The following MALRD1 variants were observed in gnomAD, a reference collection of about 807,000 sequenced individuals.
MALRD1 encodes MAM and LDL-receptor class A domain-containing protein 1.
In MALRD1, 247 loss-of-function variants were observed where a neutral mutation model predicts 242.1. That is an observed-to-expected ratio of 1.02 (90% CI 0.92 to 1.13). The LOEUF is 1.13. MALRD1 is among the 50% of genes most tolerant of loss of function. The pLI is 0.00. For missense variants in MALRD1, 2,989 were observed against 2,533.1 expected (o/e 1.18, Z -3.86); for synonymous variants, 995 against 866.6 (o/e 1.15, Z -2.60).
rs368913913 is a variant in MALRD1, at chr10:19,073,902, C to T, written c.340+7043C>T. 4.1e-4 allele frequency among the ~76,000 whole-genome samples: 62 copies of T among 152,094 alleles called. No individual in the cohort carries two copies. In the South Asian group the frequency reaches 0.012, roughly 29 times the overall value. The stretch of plus-strand genomic sequence containing the variant: ...CTGAGACTAGAGACAAACTCTGACT[C>T]CAGAAAGCGAAAGAGCATTTGAGAA... On this transcript the variant is annotated intron_variant, in intron 2 of 39. Coordinates refer to ENST00000454679, the MANE Select transcript of MALRD1 (RefSeq NM_001142308.3).
At chr10:19,456,125 A>G (rs1281013171) in intron 29 of MALRD1, among the ~76,000 whole-genome samples, 1 of 152,140 alleles carries the variant, frequency 6.6e-6, no homozygotes, top group Non-Finnish European at 1.5e-5. Flanking sequence ...GGGAACAGAG[A>G]ATGTTTCCAG....
At chr10:19,722,215 A>T (rs570362294) in intron 38 of MALRD1, 4 of 152,316 alleles carry the variant, frequency 2.6e-5, no homozygotes, top group African/African-American at 9.6e-5. Flanking sequence ...GAAGAATCTC[A>T]GTTGCTCCAT....
rs2130895474 is a variant in MALRD1 at position 19,323,929 on chromosome 10, A to G, written c.3420-20A>G. ...CCCGGCCTCTTATTCCTTTTATAAT[A>G]TGATAAATTCCTTTTCCAGAAATAC... On this transcript the variant is annotated intron_variant, in intron 21 of 39. Coordinates refer to ENST00000454679, the MANE Select transcript of MALRD1 (RefSeq NM_001142308.3). 4 of 1,549,664 alleles carry G rather than the reference A, an allele frequency of 2.6e-6. No homozygotes were observed. The highest frequency in any genetic ancestry group is 2.6e-6 in the Non-Finnish European group (3 of 1,146,212).
rs1279577244 is a variant in MALRD1, at chr10:19,463,597, C to A, written c.5029+13107C>A. On this transcript the variant is annotated intron_variant, in intron 29 of 39. Transcript: ENST00000454679. ...GTGTGTGTGTGTGTGTGTGTATATA[C>A]TCTTTCTTTATCTACTCATTGACTG... is the stretch of plus-strand genomic sequence containing the variant. 2.5e-5 allele frequency among the ~76,000 whole-genome samples: 3 copies of A among 120,250 alleles called. 1 individual carries two copies. The highest frequency in any genetic ancestry group is 5.1e-4 in the South Asian group (2 of 3,890). 78.9% of individuals were successfully genotyped at this position (120,250 alleles called of 152,430 possible).
At chr10:19,116,236 A>T (rs776689435) in intron 5 of MALRD1, among the ~76,000 whole-genome samples, 18 of 152,214 alleles carry the variant, frequency 1.2e-4, no homozygotes, top group Non-Finnish European at 2.5e-4. Context: ...ATAATTTTGT[A>T]TAACGATTTC....
intron 33 of MALRD1, among the ~76,000 whole-genome samples, chr10:19,584,877 A>G (rs1456658542): frequency 3.3e-5 from 5 of 151,366 alleles, no homozygotes; most frequent in South Asian, 2.1e-4. Flanking sequence ...TTTGTAGGTC[A>G]CTCAGGACTT....
intron 2 of MALRD1, among the ~76,000 whole-genome samples, chr10:19,072,178 G>C (rs945580336): frequency 1.3e-5 from 2 of 152,156 alleles, no homozygotes; most frequent in African/African-American, 4.8e-5. Flanking sequence ...CATCTATACT[G>C]TTTGTAATCT....
At chr10:19,328,098 A>AT (rs752138158) in intron 23 of MALRD1, among the ~76,000 whole-genome samples, 1 of 152,086 alleles carries the variant, frequency 6.6e-6, no homozygotes, top group Admixed American at 6.6e-5. Flanking sequence ...ATTTAAAAAT[A>AT]TTTTTGGGGG....
chr10:19,157,770 T>G (rs1343385820), intron 12 of MALRD1, among the ~76,000 whole-genome samples: 4 of 151,812 alleles, frequency 2.6e-5, no homozygotes, highest in African/African-American at 9.7e-5. Flanking sequence ...ATTATATGGT[T>G]TTTTTTTCCT....
chr10:19,477,685 G>A (rs1836803881), intron 29 of MALRD1, among the ~76,000 whole-genome samples: 2 of 152,098 alleles, frequency 1.3e-5, no homozygotes, highest in Admixed American at 6.5e-5. Flanking sequence ...GCTCCCAAGT[G>A]GGACTTCTAG....
chr10:19,567,603 C>G lies in MALRD1; in HGVS notation c.5580C>G (p.Asn1860Lys). Reference protein sequence around the residue: ...WTYGSVPLSSNSPFKVAFEAD... With the variant: ...WTYGSVPLSSKSPFKVAFEAD... ...ATGGCTCTGTGCCTCTCTCCAGTAA[C>G]AGTCCGTTTAAGGTGGCATTTGAAG... The change falls in exon 33 of 40, where the codon AAC becomes AAG. Residue 1860 changes from asparagine (N) to lysine (K), a missense_variant. By Grantham distance (94) the Asn-to-Lys change is moderately conservative. Coordinates refer to ENST00000454679, the MANE Select transcript of MALRD1 (RefSeq NM_001142308.3). 1.9e-6 allele frequency: 3 copies of G among 1,550,616 alleles called. No individual in the cohort carries two copies. Among genetic ancestry groups the G allele is most frequent in the Non-Finnish European group, 8.7e-7 (1 of 1,146,980 alleles).
chr10:19,354,526 C>G (rs904216020), intron 26 of MALRD1, among the ~76,000 whole-genome samples: 1 of 152,050 alleles, frequency 6.6e-6, no homozygotes, highest in African/African-American at 2.4e-5. Flanking sequence ...TCTCCCCATC[C>G]CCACTACCCT....
intron 38 of MALRD1, among the ~76,000 whole-genome samples, chr10:19,709,593 T>A (rs923762739): frequency 1.3e-5 from 2 of 152,208 alleles, no homozygotes; most frequent in Admixed American, 1.3e-4. Flanking sequence ...ATGATTTAAA[T>A]AGAATATTGA....
intron 28 of MALRD1, 119 bp downstream of exon 28, chr10:19,389,728 C>T: frequency 9.1e-7 from 1 of 1,094,394 alleles, no homozygotes; most frequent in Non-Finnish European, 1.3e-6. Context: ...CAGCCTCCAA[C>T]TCCTGGACTC....
At chr10:19,676,809 C>T (rs932502861) in intron 36 of MALRD1, among the ~76,000 whole-genome samples, 1 of 152,152 alleles carries the variant, frequency 6.6e-6, no homozygotes, top group Non-Finnish European at 1.5e-5. Flanking sequence ...AGCTGTTTTT[C>T]CTGATGCTCT....
chr10:19,635,830 T>A (rs1219408985), intron 36 of MALRD1, among the ~76,000 whole-genome samples: 1 of 152,132 alleles, frequency 6.6e-6, no homozygotes, highest in Non-Finnish European at 1.5e-5. Flanking sequence ...ATGCACACCT[T>A]GTCATATTGT....
At chr10:19,454,404 T>TTATATATATATATATATA (rs1564356457) in intron 29 of MALRD1, among the ~76,000 whole-genome samples, 5 of 30,404 alleles carry the variant, frequency 1.6e-4, no homozygotes, top group Non-Finnish European at 3.4e-4. Flanking sequence ...ATTATGCATA[T>TTATATATATATATATATA]GATATATATA....
At chr10:19,054,726 T>C (rs1834610782) in intron 1 of MALRD1, among the ~76,000 whole-genome samples, 1 of 152,194 alleles carries the variant, frequency 6.6e-6, no homozygotes, top group African/African-American at 2.4e-5. Context: ...TTGTCACGAA[T>C]GACAGGATTT....
intron 29 of MALRD1, among the ~76,000 whole-genome samples, chr10:19,454,452 TA>T (rs1297285652): frequency 8.4e-6 from 1 of 119,116 alleles, no homozygotes; most frequent in African/African-American, 3.3e-5. Flanking sequence ...TACATACATA[TA>T]AATTATATAT....
Sources: allele counts gnomAD v4.1 joint callset (sites outside exome capture counted in the v4.1 genomes callset), GRCh38; gene constraint gnomAD v4.1.1; transcripts MANE v1.5; gene names NCBI Gene and HGNC (gene_info 2026-07-23, HGNC 2026-07-21).